Variants in RABGEF1 observed in about 807,000 individuals in gnomAD.
The protein encoded by RABGEF1 is rab5 GDP/GTP exchange factor.
A neutral mutation model predicts 57.3 loss-of-function variants in RABGEF1; 26 were observed. That is an observed-to-expected ratio of 0.45 (90% CI 0.33 to 0.63). RABGEF1 has a LOEUF of 0.63. Among genes scored for constraint, RABGEF1 ranks in the 20% least tolerant of loss-of-function variants. RABGEF1 has a pLI of 0.02. For missense variants in RABGEF1, 464 were observed against 607.6 expected, an observed-to-expected ratio of 0.76 and a Z score of 2.48; for synonymous variants, 185 against 210.7, an observed-to-expected ratio of 0.88 and a Z score of 1.06.
intron 1 of RABGEF1, among the ~76,000 whole-genome samples, chr7:66,748,141 C>T (rs186112237): frequency 3.9e-5 from 6 of 152,288 alleles, no homozygotes; most frequent in Non-Finnish European, 7.4e-5. Flanking sequence ...TTCCAGCATG[C>T]GTTTCAAAGG....
chr7:66,807,998 T>C (rs1277925046), intron 8 of RABGEF1: 2 of 152,178 alleles, frequency 1.3e-5, no homozygotes, highest in Non-Finnish European at 2.9e-5. Context: ...ATGTCTGTAC[T>C]AATAATTGCT....
chr7:66,691,511 A>G (rs889875600), intron 1 of RABGEF1, among the ~76,000 whole-genome samples: 3 of 152,142 alleles, frequency 2.0e-5, no homozygotes, highest in African/African-American at 7.2e-5. Context: ...CCCAAAAAAC[A>G]TATACACATG....
chr7:66,695,985 A>G (rs570390340), intron 1 of RABGEF1, among the ~76,000 whole-genome samples: 66 of 151,738 alleles, frequency 4.3e-4, no homozygotes, highest in Non-Finnish European at 4.9e-4. Flanking sequence ...AATAAAGTGT[A>G]GATGACTCTT....
At chr7:66,737,062 G>A (rs540266610), upstream of RABGEF1, among the ~76,000 whole-genome samples, 44 of 134,936 alleles carry the variant, frequency 3.3e-4, no homozygotes, top group African/African-American at 1.1e-3. Flanking sequence ...GAGAGAGAGA[G>A]AGAGAGAGAG....
At chr7:66,738,315 G>A (rs555106435), upstream of RABGEF1, among the ~76,000 whole-genome samples, 3 of 151,304 alleles carry the variant, frequency 2.0e-5, no homozygotes, top group Non-Finnish European at 4.4e-5. Flanking sequence ...CACCATGCCC[G>A]GCCAGTCCTC....
chr7:66,805,248 C>A lies in RABGEF1; in HGVS notation c.929C>A (p.Ala310Glu). 6.2e-7 allele frequency: 1 copy of A among 1,614,192 alleles called. No individual in the cohort carries two copies. Among genetic ancestry groups the A allele is most frequent in the Non-Finnish European group, 8.5e-7 (1 of 1,180,036 alleles). The change falls in exon 8 of 9, where the codon GCG (alanine) becomes GAG (glutamate). Residue 310 changes from alanine to glutamate, a missense_variant. Transcript: ENST00000284957. ...ATCAAGATCACCAAGAATGAGCCGGCGTCAGCGGATGACTTCCTCCCCACC... is the reference window on the plus strand; with the variant it reads ...ATCAAGATCACCAAGAATGAGCCGGAGTCAGCGGATGACTTCCTCCCCACC... ...NAIKITKNEP[A>E]SADDFLPTLI...
intron 7 of RABGEF1, among the ~76,000 whole-genome samples, chr7:66,801,896 T>C (rs1787370278): frequency 6.6e-6 from 1 of 152,054 alleles, no homozygotes; most frequent in African/African-American, 2.4e-5. Context: ...GGAGACTTAT[T>C]TATTTAGTTA....
intron 1 of RABGEF1, chr7:66,756,010 C>G (rs1445269879): frequency 2.1e-6 from 3 of 1,447,234 alleles, no homozygotes; most frequent in Middle Eastern, 2.4e-4. Flanking sequence ...AGTTGGTGAA[C>G]CTTGGATTAC....
chr7:66,792,897 A>G lies in RABGEF1; in HGVS notation c.514-2614A>G, dbSNP rs540062742. On this transcript the variant is annotated intron_variant, in intron 4 of 8. Coordinates refer to ENST00000284957, the MANE Select transcript of RABGEF1 (RefSeq NM_014504.3). Reference sequence around the variant, plus strand: ...GAAATGGACAATAAGCAGATCTGTAACATAGTGTTAAGTCCTACAAGAATG... The same window carrying G: ...GAAATGGACAATAAGCAGATCTGTAGCATAGTGTTAAGTCCTACAAGAATG... 2.0e-5 allele frequency among the ~76,000 whole-genome samples: 3 copies of G among 152,350 alleles called. No individual in the cohort carries two copies. In the East Asian group the frequency reaches 5.8e-4, roughly 29 times the overall value.
chr7:66,771,398 C>T (rs536404937), intron 1 of RABGEF1, among the ~76,000 whole-genome samples: 66 of 152,300 alleles, frequency 4.3e-4, no homozygotes, highest in Admixed American at 1.3e-3. Flanking sequence ...CTCAGCCTCC[C>T]AAAGGGCTGG....
chr7:66,671,692 C>T, the RABGEF1 span, among the ~76,000 whole-genome samples: 3 of 152,076 alleles, frequency 2.0e-5, no homozygotes, highest in Non-Finnish European at 4.4e-5. Context: ...CGTGGTGGCA[C>T]TTATCTATAG....
intron 3 of RABGEF1, among the ~76,000 whole-genome samples, chr7:66,777,430 C>T (rs1317950994): frequency 6.6e-6 from 1 of 151,444 alleles, no homozygotes; most frequent in East Asian, 1.9e-4. Context: ...ACTTCAGAAG[C>T]CCAGGTTATT....
chr7:66,722,560 T>G (rs1318213370), intron 2 of RABGEF1, among the ~76,000 whole-genome samples: 1 of 152,220 alleles, frequency 6.6e-6, no homozygotes, highest in East Asian at 1.9e-4. Flanking sequence ...TACTTGTGCT[T>G]TAGGTGTTGT....
At chr7:66,790,892 C>T (rs1812495462) in intron 4 of RABGEF1, among the ~76,000 whole-genome samples, 1 of 152,206 alleles carries the variant, frequency 6.6e-6, no homozygotes, top group Non-Finnish European at 1.5e-5. Flanking sequence ...TGTATCTGCT[C>T]AGACTCTAGT....
the RABGEF1 span, among the ~76,000 whole-genome samples, chr7:66,672,035 T>C: frequency 0.039 from 5,953 of 151,798 alleles, 163 homozygotes; most frequent in East Asian, 0.084. Context: ...AGGATGTTCT[T>C]GAACTCCTGG....
intron 2 of RABGEF1, among the ~76,000 whole-genome samples, chr7:66,724,727 AT>A (rs1287090789): frequency 6.6e-6 from 1 of 152,134 alleles, no homozygotes; most frequent in Non-Finnish European, 1.5e-5. Context: ...TTTTCATCAA[AT>A]TTATAGTTTG....
chr7:66,750,054 G>A (rs1801080323), intron 1 of RABGEF1, among the ~76,000 whole-genome samples: 1 of 152,156 alleles, frequency 6.6e-6, no homozygotes, highest in Non-Finnish European at 1.5e-5. Context: ...GAGATAATAC[G>A]TTTGGGTCCT....
At chr7:66,688,743 T>C (rs1252642025) in intron 1 of RABGEF1, among the ~76,000 whole-genome samples, 1 of 152,174 alleles carries the variant, frequency 6.6e-6, no homozygotes, top group African/African-American at 2.4e-5. Flanking sequence ...CCAGAATTTA[T>C]GGGATGCAGT....
chr7:66,791,820 T>C (rs1302913150), intron 4 of RABGEF1, among the ~76,000 whole-genome samples: 1 of 152,118 alleles, frequency 6.6e-6, no homozygotes, highest in Non-Finnish European at 1.5e-5. Context: ...TACTCAGATG[T>C]TATAGAAAAG....
Sources: allele counts gnomAD v4.1 joint callset (sites outside exome capture counted in the v4.1 genomes callset), GRCh38; gene constraint gnomAD v4.1.1; transcripts MANE v1.5; gene names NCBI Gene and HGNC (gene_info 2026-07-23, HGNC 2026-07-21).